COL23A1: variants seen among roughly 807,000 people sequenced by gnomAD.
COL23A1 encodes collagen alpha-1(XXIII) chain.
In COL23A1, 97 loss-of-function variants were observed where a neutral mutation model predicts 99.3. The observed-to-expected ratio is 0.98, with a 90% confidence interval of 0.83 to 1.16. The LOEUF (loss-of-function observed/expected upper bound fraction) is 1.16, where lower values mean the gene tolerates loss of function less well. COL23A1 is among the 50% of genes most tolerant of loss of function. COL23A1 has a pLI of 0.00. For synonymous variants in COL23A1, 320 were observed against 308.2 expected, an observed-to-expected ratio of 1.04 and a Z score of -0.40; for missense variants, 762 against 757.4, an observed-to-expected ratio of 1.01 and a Z score of -0.07.
chr5:178,345,989 C>T (rs1760947285), intron 2 of COL23A1, among the ~76,000 whole-genome samples: 1 of 152,078 alleles, frequency 6.6e-6, no homozygotes, highest in Admixed American at 6.5e-5. Context: ...CCTGTTAGGA[C>T]TCATATCTAA....
At chr5:178,528,840 C>T (rs1212781356) in intron 2 of COL23A1, among the ~76,000 whole-genome samples, 2 of 152,222 alleles carry the variant, frequency 1.3e-5, no homozygotes, top group African/African-American at 2.4e-5. Flanking sequence ...TCCCTCAATG[C>T]TTGCACTTCT....
chr5:178,394,220 G>A (rs1764111970), intron 2 of COL23A1, among the ~76,000 whole-genome samples: 1 of 152,222 alleles, frequency 6.6e-6, no homozygotes, highest in African/African-American at 2.4e-5. Flanking sequence ...CTGCAGGCCT[G>A]GAGCCTCCTG....
At chr5:178,421,558 G>C (rs1427949591) in intron 2 of COL23A1, among the ~76,000 whole-genome samples, 3 of 152,164 alleles carry the variant, frequency 2.0e-5, no homozygotes, top group African/African-American at 4.8e-5. Context: ...GTCGGAAACA[G>C]AAATTCACTC....
intron 2 of COL23A1, among the ~76,000 whole-genome samples, chr5:178,515,698 C>T (rs901335118): frequency 2.0e-5 from 3 of 152,294 alleles, no homozygotes; most frequent in East Asian, 1.9e-4. Flanking sequence ...ACATCTGTCC[C>T]GGCTCTGCGG....
In COL23A1 at chr5:178,560,680, A is replaced by G; in HGVS notation, c.361+2T>C. On this transcript the variant is annotated splice_donor_variant, in intron 2 of 28. Coordinates refer to ENST00000390654, the MANE Select transcript of COL23A1 (RefSeq NM_173465.4). LOFTEE classifies it high-confidence loss of function. ...CCAGAAGGGAGCTCAACCTTCACTTACCTGGGGGGCAGACACATTCGGATG... is the reference window on the plus strand; with the variant it reads ...CCAGAAGGGAGCTCAACCTTCACTTGCCTGGGGGGCAGACACATTCGGATG... The G allele has an allele frequency of 6.2e-7, 1 of 1,611,914 alleles. No homozygotes were observed. Among genetic ancestry groups the G allele is most frequent in the East Asian group, 2.2e-5 (1 of 44,826 alleles).
At chr5:178,576,217 A>G (rs923353232) in intron 1 of COL23A1, among the ~76,000 whole-genome samples, 3 of 152,122 alleles carry the variant, frequency 2.0e-5, no homozygotes, top group Non-Finnish European at 2.9e-5. Flanking sequence ...CTGCTGCCCA[A>G]TAGCCCACTG....
intron 2 of COL23A1, among the ~76,000 whole-genome samples, chr5:178,355,263 A>G (rs74701722): frequency 0.031 from 2,216 of 71,082 alleles, 49 homozygotes; most frequent in African/African-American, 0.083. Context: ...TCTGGGCCAC[A>G]AAGAACCTCA....
intron 3 of COL23A1, among the ~76,000 whole-genome samples, chr5:178,293,428 C>T (rs1045093111): frequency 6.6e-6 from 1 of 152,096 alleles, no homozygotes; most frequent in Non-Finnish European, 1.5e-5. Flanking sequence ...CCAACTCTCT[C>T]AGTGAAGCAG....
chr5:178,347,726 C>T (rs10079508), intron 2 of COL23A1, among the ~76,000 whole-genome samples: 20,862 of 151,536 alleles, frequency 0.14, 1,557 homozygotes, highest in Middle Eastern at 0.22. Flanking sequence ...ACTAAAAGTA[C>T]AAAAATTAGC....
Position 178,255,424 on chromosome 5 carries a change from C to G in COL23A1, c.883-398G>C, listed in dbSNP as rs1012939356. Among the ~76,000 whole-genome samples the G allele has an allele frequency of 1.8e-4, 27 of 152,350 alleles. No homozygotes were observed. The highest frequency in any genetic ancestry group is 6.5e-4 in the African/African-American group (27 of 41,582). ...ATCTGGCCCCCGTGCCTCCATTTCC[C>G]AGCCTCTGGGAGCGGCTGCACACGC... On this transcript the variant is annotated intron_variant, in intron 15 of 28. Transcript: ENST00000390654. The surrounding 1 kb of genome is among the most constrained non-coding windows in gnomAD (Gnocchi z 4.2).
At chr5:178,290,226 C>T (rs1445000651) in intron 4 of COL23A1, 136 bp downstream of exon 4, 3 of 1,263,922 alleles carry the variant, frequency 2.4e-6, no homozygotes, top group Non-Finnish European at 3.5e-6. Context: ...GCCACCGCAC[C>T]TGGCCACTTT....
At chr5:178,486,359 A>C (rs902199013) in intron 2 of COL23A1, among the ~76,000 whole-genome samples, 1 of 152,194 alleles carries the variant, frequency 6.6e-6, no homozygotes, top group Admixed American at 6.5e-5. Context: ...TCTTGAGGCA[A>C]AGAAATCCTG....
intron 1 of COL23A1, among the ~76,000 whole-genome samples, chr5:178,568,058 G>GCC (rs1485628512): frequency 6.6e-6 from 1 of 152,200 alleles, no homozygotes; most frequent in African/African-American, 2.4e-5. Flanking sequence ...GGCCCCATGG[G>GCC]CCCCCGATGG....
intron 5 of COL23A1, among the ~76,000 whole-genome samples, chr5:178,274,729 GGCCAGGGCTCA>G (rs1387850993): frequency 6.6e-6 from 1 of 152,220 alleles, no homozygotes; most frequent in African/African-American, 2.4e-5. Context: ...ACAGAGCGAA[GGCCAGGGCTCA>G]GCCTTGCAGG....
chr5:178,414,635 G>A (rs1006672488), intron 2 of COL23A1, among the ~76,000 whole-genome samples: 1 of 152,142 alleles, frequency 6.6e-6, no homozygotes, highest in African/African-American at 2.4e-5. Flanking sequence ...AGCTGGGCAT[G>A]GTAGTGTGTG....
At chr5:178,314,629 G>C (rs2973703) in intron 2 of COL23A1, among the ~76,000 whole-genome samples, 137,517 of 152,206 alleles carry the variant, frequency 0.9, 62,164 homozygotes, top group Admixed American at 0.93. Flanking sequence ...ACAGCGGCCT[G>C]CAACAGTGTT....
At chr5:178,257,039 C>A (rs1451610230) in intron 13 of COL23A1, 111 bp from the exon 14 acceptor site, 3 of 918,606 alleles carry the variant, frequency 3.3e-6, no homozygotes, top group East Asian at 5.3e-5. Context: ...GGCCTCCTGG[C>A]AAATTGTTAC....
intron 2 of COL23A1, among the ~76,000 whole-genome samples, chr5:178,498,318 A>C (rs572180953): frequency 1.4e-5 from 2 of 147,452 alleles, no homozygotes; most frequent in Non-Finnish European, 3.0e-5. Context: ...TTTACCTTTA[A>C]AGGCATGACT....
Position 178,313,200 on chromosome 5 carries a change from G to C in COL23A1, c.362-6281C>G, listed in dbSNP as rs1325846436. Among the ~76,000 whole-genome samples, 1 of 152,186 alleles carries C rather than the reference G, an allele frequency of 6.6e-6. No homozygotes were observed. Among genetic ancestry groups the C allele is most frequent in the Non-Finnish European group, 1.5e-5 (1 of 68,044 alleles). On this transcript the variant is annotated intron_variant, in intron 2 of 28. Coordinates refer to ENST00000390654, the MANE Select transcript of COL23A1 (RefSeq NM_173465.4). The surrounding 1 kb of genome is among the most constrained non-coding windows in gnomAD (Gnocchi z 4.2). ...GCCATCGGTGGGCTGGGCTAGGGGA[G>C]GCGAGACTGGGAAGTCGGTGGGCCC...
Sources: gnomAD v4.1 joint callset for allele counts (sites outside exome capture counted in the v4.1 genomes callset) on GRCh38, gnomAD v4.1.1 for gene constraint, Gnocchi (gnomAD v3.1) non-coding constraint, MANE v1.5 for transcripts, NCBI Gene and HGNC (gene_info 2026-07-23, HGNC 2026-07-21) for gene names.